The following BNC2 variants were observed in gnomAD, a reference collection of about 807,000 sequenced individuals.
BNC2 encodes the protein basonuclin zinc finger protein 2, also known as zinc finger protein basonuclin-2.
A neutral mutation model predicts 76.3 loss-of-function variants in BNC2; 20 were observed. The observed-to-expected ratio is 0.26, with a 90% confidence interval of 0.18 to 0.38. BNC2 has a LOEUF of 0.38. BNC2 is among the 10% of genes least tolerant of loss of function. The pLI is 1.00. For missense variants in BNC2, 1,382 were observed against 1,399.8 expected (o/e 0.99, Z 0.20); for synonymous variants, 582 against 514.8 (o/e 1.13, Z -1.77).
At chr9:16,675,917 T>G (rs995617394) in intron 3 of BNC2, among the ~76,000 whole-genome samples, 1 of 152,088 alleles carries the variant, frequency 6.6e-6, no homozygotes, top group Non-Finnish European at 1.5e-5. Flanking sequence ...ATACAAAAAT[T>G]AGCTGGGTGT....
At chr9:16,617,786 C>T (rs910387219) in intron 3 of BNC2, among the ~76,000 whole-genome samples, 2 of 152,184 alleles carry the variant, frequency 1.3e-5, no homozygotes, top group Admixed American at 6.6e-5. Context: ...TTCATTAAAT[C>T]CTCACAATTA....
At chr9:16,851,202 A>G (rs72713825) in intron 1 of BNC2, among the ~76,000 whole-genome samples, 1 of 152,286 alleles carries the variant, frequency 6.6e-6, no homozygotes, top group Non-Finnish European at 1.5e-5. Context: ...ATTTCACTTA[A>G]AAAGTATTTA....
chr9:16,521,549 C>T (rs1272789411), intron 5 of BNC2, among the ~76,000 whole-genome samples: 2 of 152,154 alleles, frequency 1.3e-5, no homozygotes, highest in Non-Finnish European at 2.9e-5. Flanking sequence ...CTATTTCCTG[C>T]AGTATGAAAA....
At chr9:16,684,287 C>T (rs554647608) in intron 3 of BNC2, among the ~76,000 whole-genome samples, 9 of 152,320 alleles carry the variant, frequency 5.9e-5, no homozygotes, top group Non-Finnish European at 7.4e-5. Flanking sequence ...CATCACTCTG[C>T]ATTTGCATGT....
intron 3 of BNC2, among the ~76,000 whole-genome samples, chr9:16,725,997 C>G (rs934478278): frequency 6.4e-5 from 9 of 140,016 alleles, no homozygotes; most frequent in Non-Finnish European, 1.2e-4. Context: ...CACACACACA[C>G]ACACGCACAC....
At chr9:16,787,093 A>G (rs979305421) in intron 1 of BNC2, among the ~76,000 whole-genome samples, 61 of 152,202 alleles carry the variant, frequency 4.0e-4, no homozygotes, top group Non-Finnish European at 1.8e-4. Flanking sequence ...GGCCAAAGTA[A>G]AGAATGGAAT....
chr9:16,447,755 G>A (rs1486508748), intron 5 of BNC2, among the ~76,000 whole-genome samples: 1 of 152,076 alleles, frequency 6.6e-6, no homozygotes, highest in Non-Finnish European at 1.5e-5. Flanking sequence ...AATCATACCA[G>A]TAGGGTTTGT....
chr9:16,539,690 GGGA>G (rs1818248992), intron 5 of BNC2, among the ~76,000 whole-genome samples: 1 of 116,362 alleles, frequency 8.6e-6, no homozygotes, highest in African/African-American at 4.3e-5. Context: ...AAGGAAGGAA[GGGA>G]GAAAGGAAGG....
intron 5 of BNC2, among the ~76,000 whole-genome samples, chr9:16,464,965 T>G (rs1352927677): frequency 6.6e-6 from 1 of 152,196 alleles, no homozygotes; most frequent in East Asian, 1.9e-4. Flanking sequence ...CAATGCTAAC[T>G]TAGCCCTCAG....
At chr9:16,765,467 ACAT>A (rs1199697836) in intron 1 of BNC2, among the ~76,000 whole-genome samples, 2 of 152,202 alleles carry the variant, frequency 1.3e-5, no homozygotes, top group African/African-American at 4.8e-5. Context: ...GTTATTATTA[ACAT>A]TTTAGTCAAA....
At chr9:16,866,320 A>G (rs570140658) in intron 1 of BNC2, among the ~76,000 whole-genome samples, 2 of 152,266 alleles carry the variant, frequency 1.3e-5, no homozygotes, top group Non-Finnish European at 2.9e-5. Context: ...TATTTTAAAG[A>G]AAATTTCTCT....
chr9:16,573,091 G>A (rs1819373098), intron 4 of BNC2, among the ~76,000 whole-genome samples: 1 of 151,880 alleles, frequency 6.6e-6, no homozygotes, highest in South Asian at 2.1e-4. Context: ...AGCTGGGCGT[G>A]GTAGCGCACA....
At chr9:16,630,406 T>C (rs915277176) in intron 3 of BNC2, among the ~76,000 whole-genome samples, 3 of 152,170 alleles carry the variant, frequency 2.0e-5, no homozygotes, top group Non-Finnish European at 4.4e-5. Flanking sequence ...CATGGAAAGA[T>C]AGTTACAAAA....
At chr9:16,582,657 C>A (rs1312307803) in intron 4 of BNC2, among the ~76,000 whole-genome samples, 1 of 152,150 alleles carries the variant, frequency 6.6e-6, no homozygotes, top group African/African-American at 2.4e-5. Context: ...CCCTGAAAGG[C>A]CAACTGTGGT....
chr9:16,831,853 G>A (rs1586919234), intron 1 of BNC2, among the ~76,000 whole-genome samples: 1 of 152,124 alleles, frequency 6.6e-6, no homozygotes, highest in African/African-American at 2.4e-5. Flanking sequence ...ATGCTTTTCT[G>A]TTTTACTCCA....
chr9:16,579,333 A>C (rs1289936803), intron 4 of BNC2, among the ~76,000 whole-genome samples: 1 of 151,750 alleles, frequency 6.6e-6, no homozygotes, highest in East Asian at 1.9e-4. Flanking sequence ...CCCAGATTGG[A>C]ATGTGGTGGC....
At chr9:16,523,245 G>T (rs534974881) in intron 5 of BNC2, among the ~76,000 whole-genome samples, 1 of 152,054 alleles carries the variant, frequency 6.6e-6, no homozygotes, top group Non-Finnish European at 1.5e-5. Context: ...GCCGAGGTGG[G>T]TGGATCATGA....
intron 3 of BNC2, among the ~76,000 whole-genome samples, chr9:16,671,794 G>A (rs763898917): frequency 1.3e-5 from 2 of 152,082 alleles, no homozygotes; most frequent in East Asian, 3.9e-4. Context: ...TTTAACACTG[G>A]TTTGACAAGT....
intron 3 of BNC2, among the ~76,000 whole-genome samples, chr9:16,600,031 C>A (rs1820202512): frequency 6.6e-6 from 1 of 152,146 alleles, no homozygotes; most frequent in East Asian, 1.9e-4. Context: ...ATATTTAAAA[C>A]CCTGATATAT....
Sources: gnomAD v4.1 joint callset for allele counts (sites outside exome capture counted in the v4.1 genomes callset) on GRCh38, gnomAD v4.1.1 for gene constraint, MANE v1.5 for transcripts, NCBI Gene and HGNC (gene_info 2026-07-23, HGNC 2026-07-21) for gene names.